ERC2: variants seen among roughly 807,000 people sequenced by gnomAD.
ERC2 encodes the protein ELKS/RAB6-interacting/CAST family member 2.
In ERC2, 42 loss-of-function variants were observed where a neutral mutation model predicts 114.8. That is an observed-to-expected ratio of 0.37 (90% CI 0.29 to 0.47). The LOEUF (loss-of-function observed/expected upper bound fraction) is 0.47, where lower values mean the gene tolerates loss of function less well. Among genes scored for constraint, ERC2 ranks in the 20% least tolerant of loss-of-function variants. The pLI, the probability that ERC2 is intolerant of heterozygous loss-of-function variation, is 0.99. For synonymous variants in ERC2, 454 were observed against 425.5 expected (o/e 1.07, Z -0.82); for missense variants, 939 against 1,150.7 (o/e 0.82, Z 2.66).
At chr3:56,094,396 G>C (rs2077947870) in intron 6 of ERC2, among the ~76,000 whole-genome samples, 1 of 152,182 alleles carries the variant, frequency 6.6e-6, no homozygotes, top group African/African-American at 2.4e-5. Context: ...TCAGGGCTCA[G>C]AGACCTAGTG....
chr3:55,809,342 G>C (rs2059626359), intron 14 of ERC2, among the ~76,000 whole-genome samples: 1 of 152,086 alleles, frequency 6.6e-6, no homozygotes, highest in Admixed American at 6.6e-5. Context: ...TATATGGCTA[G>C]TATCTGAAAA....
At chr3:56,172,856 A>G (rs1020566681) in intron 4 of ERC2, among the ~76,000 whole-genome samples, 1 of 152,226 alleles carries the variant, frequency 6.6e-6, no homozygotes, top group African/African-American at 2.4e-5. Context: ...AAATTCTCTC[A>G]GAAGGATTTT....
At chr3:55,729,586 C>A (rs2065118956) in intron 15 of ERC2, among the ~76,000 whole-genome samples, 1 of 151,898 alleles carries the variant, frequency 6.6e-6, no homozygotes, top group South Asian at 2.1e-4. Flanking sequence ...CCTAACAATC[C>A]CCACAATTTG....
At chr3:56,372,706 T>C (rs1576639791) in intron 2 of ERC2, among the ~76,000 whole-genome samples, 1 of 152,120 alleles carries the variant, frequency 6.6e-6, no homozygotes, top group East Asian at 1.9e-4. Flanking sequence ...CCAGCCTGGG[T>C]GACAGAGAGA....
intron 13 of ERC2, 125 bp from the exon 14 acceptor site, chr3:55,888,674 G>T: frequency 8.9e-7 from 1 of 1,118,446 alleles, no homozygotes; most frequent in East Asian, 2.4e-5. Flanking sequence ...GGGCCGCTGT[G>T]TCTTGGAGCC....
intron 3 of ERC2, among the ~76,000 whole-genome samples, chr3:56,204,549 C>T (rs1373580986): frequency 7.9e-6 from 1 of 126,238 alleles, no homozygotes; most frequent in Non-Finnish European, 1.8e-5. Context: ...CTGTCGCCAG[C>T]CTGGAGTGCA....
chr3:56,323,516 A>C (rs2057221287), intron 2 of ERC2, among the ~76,000 whole-genome samples: 1 of 152,190 alleles, frequency 6.6e-6, no homozygotes, highest in Admixed American at 6.5e-5. Flanking sequence ...GAAGGACCTT[A>C]GAAGATATGA....
At chr3:55,619,411 G>A (rs1201014894) in intron 17 of ERC2, among the ~76,000 whole-genome samples, 1 of 152,054 alleles carries the variant, frequency 6.6e-6, no homozygotes, top group Admixed American at 6.6e-5. Context: ...TGTGCATCAG[G>A]GTTTATGCAT....
In ERC2 at chr3:55,773,909, T is replaced by C. The variant is rs895970061; in HGVS notation, c.2565-38991A>G. Among the ~76,000 whole-genome samples the C allele has an allele frequency of 2.6e-5, 4 of 152,194 alleles. No homozygotes were observed. In the East Asian group the frequency reaches 5.8e-4, roughly 22 times the overall value. ...GGAAAGAAGGCGGCTTTTGTGTATA[T>C]ACTTATCCAATTTGAGATTCTTGTC... On this transcript the variant is annotated intron_variant, in intron 14 of 17. Coordinates refer to ENST00000288221, the MANE Select transcript of ERC2 (RefSeq NM_015576.3).
At chr3:55,527,323 G>A (rs1468501777) in intron 17 of ERC2, among the ~76,000 whole-genome samples, 1 of 152,168 alleles carries the variant, frequency 6.6e-6, no homozygotes, top group Non-Finnish European at 1.5e-5. Context: ...TTAGTGGGGG[G>A]CCTCACAGTC....
intron 17 of ERC2, among the ~76,000 whole-genome samples, chr3:55,651,216 C>G (rs551605228): frequency 8.2e-4 from 124 of 152,024 alleles, no homozygotes; most frequent in African/African-American, 2.9e-3. Context: ...AGGGCAGGGA[C>G]CTGTGCATGT....
At chr3:55,696,269 A>G (rs901257605) in intron 16 of ERC2, among the ~76,000 whole-genome samples, 2 of 152,226 alleles carry the variant, frequency 1.3e-5, no homozygotes. Flanking sequence ...CTCCATTTTC[A>G]TGTGTTCTGA....
chr3:56,404,950 G>A (rs544580309), intron 2 of ERC2, among the ~76,000 whole-genome samples: 1 of 152,156 alleles, frequency 6.6e-6, no homozygotes, highest in Non-Finnish European at 1.5e-5. Flanking sequence ...ATTTGTACTG[G>A]TTTGATGGAT....
intron 2 of ERC2, among the ~76,000 whole-genome samples, chr3:56,329,412 G>A (rs1444246861): frequency 6.6e-6 from 1 of 152,208 alleles, no homozygotes; most frequent in East Asian, 1.9e-4. Flanking sequence ...GCCCTATCAG[G>A]TTCTCACAGT....
chr3:55,573,551 G>A (rs955396934), intron 17 of ERC2, among the ~76,000 whole-genome samples: 13 of 152,260 alleles, frequency 8.5e-5, no homozygotes, highest in African/African-American at 3.1e-4. Flanking sequence ...CCTGATCAAG[G>A]AAAGGCTGGG....
chr3:55,518,739 T>C (rs994675753), intron 17 of ERC2, among the ~76,000 whole-genome samples: 1 of 152,224 alleles, frequency 6.6e-6, no homozygotes. Flanking sequence ...TACAATGATG[T>C]ATGCAGTGTG....
At chr3:55,675,977 A>G (rs1226367861) in intron 17 of ERC2, among the ~76,000 whole-genome samples, 2 of 122,582 alleles carry the variant, frequency 1.6e-5, no homozygotes, top group African/African-American at 6.4e-5. Context: ...CTGGAGTGCA[A>G]TGGCACGGTC....
chr3:55,828,776 A>G (rs2149176683), intron 14 of ERC2, among the ~76,000 whole-genome samples: 1 of 151,576 alleles, frequency 6.6e-6, no homozygotes, highest in South Asian at 2.1e-4. Context: ...GTTGACTGCT[A>G]AGAAAAAAAA....
chr3:55,967,886 T>G lies in ERC2; in HGVS notation c.2268-17326A>C, dbSNP rs144119423. 6.1e-3 allele frequency among the ~76,000 whole-genome samples: 935 copies of G among 152,298 alleles called. 15 individuals are homozygous for G. Among genetic ancestry groups the G allele is most frequent in the African/African-American group, 0.022 (898 of 41,560 alleles). On this transcript the variant is annotated intron_variant, in intron 12 of 17. Transcript: ENST00000288221. ...CTTTCTGCCTTTCTGCCTTTCTGCC[T>G]TTCACCATGGGCTGAAGCAGCAAGA...
Sources: allele counts gnomAD v4.1 joint callset (sites outside exome capture counted in the v4.1 genomes callset), GRCh38; gene constraint gnomAD v4.1.1; transcripts MANE v1.5; gene names NCBI Gene and HGNC (gene_info 2026-07-23, HGNC 2026-07-21).